Variants in ZCCHC14 observed in about 807,000 individuals in gnomAD.
ZCCHC14 encodes zinc finger CCHC-type containing 14.
Under a neutral mutation model 85.0 loss-of-function variants are expected in ZCCHC14, and 16 were observed. That is an observed-to-expected ratio of 0.19 (90% CI 0.13 to 0.29). The LOEUF (loss-of-function observed/expected upper bound fraction) is 0.29, where lower values mean the gene tolerates loss of function less well. Ranked by LOEUF, ZCCHC14 falls within the 10% of genes least tolerant of loss-of-function variation. The probability of loss-of-function intolerance (pLI) is 1.00; values close to 1 mark genes in which losing one functional copy is unlikely to be tolerated. For missense variants in ZCCHC14, 1,303 were observed against 1,443.5 expected (o/e 0.90, Z 1.58); for synonymous variants, 775 against 630.7 (o/e 1.23, Z -3.43).
At chr16:87,423,978 C>A in intron 3 of ZCCHC14, 97 bp from the exon 4 acceptor site, 1 of 1,315,366 alleles carries the variant, frequency 7.6e-7, no homozygotes. Flanking sequence ...GTTCAGTCGG[C>A]AGCTGAGCCC....
At chr16:87,477,900 C>T (rs1428023742) in intron 1 of ZCCHC14, among the ~76,000 whole-genome samples, 13 of 151,394 alleles carry the variant, frequency 8.6e-5, no homozygotes, top group Non-Finnish European at 1.6e-4. Context: ...CCACCGCATC[C>T]CCCTGAACCT....
chr16:87,424,540 C>A (rs552786072), intron 3 of ZCCHC14, among the ~76,000 whole-genome samples: 1 of 152,162 alleles, frequency 6.6e-6, no homozygotes, highest in African/African-American at 2.4e-5. Context: ...CAGCAGCGGG[C>A]GGTGTCACTG....
intron 1 of ZCCHC14, chr16:87,467,626 T>C: frequency 9.4e-7 from 1 of 1,065,168 alleles, no homozygotes; most frequent in South Asian, 1.3e-5. Flanking sequence ...TTGACTTCCT[T>C]GGGGACTCTG....
chr16:87,462,357 T>C (rs1476108903), intron 1 of ZCCHC14, among the ~76,000 whole-genome samples: 1 of 152,222 alleles, frequency 6.6e-6, no homozygotes. Context: ...ACAAGTACGA[T>C]ACAAATCTTA....
chr16:87,489,422 A>G (rs1459516519), intron 1 of ZCCHC14, among the ~76,000 whole-genome samples: 3 of 152,264 alleles, frequency 2.0e-5, no homozygotes, highest in Non-Finnish European at 4.4e-5. Context: ...AATTCAATCT[A>G]TAAAACATGC....
chr16:87,438,765 C>T (rs1034732419), intron 2 of ZCCHC14, among the ~76,000 whole-genome samples: 2 of 152,108 alleles, frequency 1.3e-5, no homozygotes, highest in Admixed American at 6.5e-5. Flanking sequence ...GGGGCATTCA[C>T]AGGAGGCCCG....
rs764240955 is a variant in ZCCHC14 at position 87,412,617 on chromosome 16, C to G, written c.2104G>C (p.Ala702Pro). ...TGCACAGGCTGGTGGGGTGCGGACGCGGGCAGCACGTCCATCATGGCGCTG... is the reference window on the plus strand; with the variant it reads ...TGCACAGGCTGGTGGGGTGCGGACGGGGGCAGCACGTCCATCATGGCGCTG... ...FGSAMMDVLP[A>P]SAPHQPVQVL... Residue 702 changes from alanine to proline, a missense_variant, in exon 12 of 13, where the codon GCG becomes CCG. Coordinates refer to ENST00000671377, the MANE Select transcript of ZCCHC14 (RefSeq NM_015144.3). The G allele has an allele frequency of 1.2e-6, 2 of 1,614,048 alleles. No homozygotes were observed. The highest frequency in any genetic ancestry group is 1.3e-5 in the African/African-American group (1 of 74,938).
intron 2 of ZCCHC14, among the ~76,000 whole-genome samples, chr16:87,440,362 G>A (rs1056890035): frequency 4.6e-5 from 7 of 151,896 alleles, no homozygotes; most frequent in South Asian, 2.1e-4. Context: ...ACAGGGTTTC[G>A]ACATATTGGT....
intron 2 of ZCCHC14, among the ~76,000 whole-genome samples, chr16:87,439,834 G>A (rs890644646): frequency 6.6e-6 from 1 of 152,188 alleles, no homozygotes; most frequent in African/African-American, 2.4e-5. Flanking sequence ...ACAATGACTA[G>A]GTTGGTAAAT....
At chr16:87,441,334 G>C (rs759515268) in intron 2 of ZCCHC14, among the ~76,000 whole-genome samples, 2 of 152,198 alleles carry the variant, frequency 1.3e-5, no homozygotes, top group Non-Finnish European at 2.9e-5. Context: ...ATTACTAATA[G>C]AGTCACCTAC....
Position 87,406,546 on chromosome 16 carries a change from G to A in ZCCHC14, c.*3734C>T, listed in dbSNP as rs1597393519. 1 of 152,662 alleles carries A rather than the reference G, an allele frequency of 6.6e-6. No homozygotes were observed. Among genetic ancestry groups the A allele is most frequent in the Non-Finnish European group, 1.5e-5 (1 of 68,036 alleles). 9.5% of individuals were successfully genotyped at this position (152,662 alleles called of 1,614,324 possible). On this transcript the variant is annotated 3_prime_UTR_variant, in exon 13 of 13. Transcript: ENST00000671377. Reference sequence around the variant, plus strand: ...AAATATGTCCAATAGAAGCTGTGAAGGTATCGAGTACACAAGGTGTCCAGT... The same window carrying A: ...AAATATGTCCAATAGAAGCTGTGAAAGTATCGAGTACACAAGGTGTCCAGT...
chr16:87,448,946 G>A (rs375896152), intron 2 of ZCCHC14, among the ~76,000 whole-genome samples: 3 of 152,188 alleles, frequency 2.0e-5, no homozygotes, highest in African/African-American at 4.8e-5. Flanking sequence ...GACTCACTGC[G>A]GACATCAGAA....
intron 2 of ZCCHC14, 77 bp from the exon 3 acceptor site, chr16:87,433,278 A>C (rs1909754307): frequency 1.4e-6 from 2 of 1,418,404 alleles, no homozygotes; most frequent in Non-Finnish European, 1.9e-6. Context: ...TTTGATATTC[A>C]GCAGTTTTCA....
Position 87,420,784 on chromosome 16 carries a change from G to T in ZCCHC14, c.841-68C>A. 7.2e-7 allele frequency: 1 copy of T among 1,381,470 alleles called. No homozygotes were observed. The highest frequency in any genetic ancestry group is 9.9e-7 in the Non-Finnish European group (1 of 1,009,852). 85.6% of individuals were successfully genotyped at this position (1,381,470 alleles called of 1,614,324 possible). On this transcript the variant is annotated intron_variant, in intron 4 of 12. Coordinates refer to ENST00000671377, the MANE Select transcript of ZCCHC14 (RefSeq NM_015144.3). The surrounding 1 kb of genome is among the most constrained non-coding windows in gnomAD (Gnocchi z 5.0). Reference sequence around the variant, plus strand: ...CCAACACCAGCAGAATTCTGCTACTGCAGGAAAACCTGGGGCAGGTGCTCC... The same window carrying T: ...CCAACACCAGCAGAATTCTGCTACTTCAGGAAAACCTGGGGCAGGTGCTCC...
chr16:87,469,524 CCT>C (rs998568271), intron 1 of ZCCHC14, among the ~76,000 whole-genome samples: 15 of 152,180 alleles, frequency 9.9e-5, no homozygotes, highest in South Asian at 6.2e-4. Context: ...CAGGGCAGCC[CCT>C]GTTTCGTCCA....
intron 7 of ZCCHC14, 25 bp downstream of exon 7, chr16:87,418,822 G>T (rs1226511769): frequency 1.2e-6 from 2 of 1,606,460 alleles, no homozygotes; most frequent in African/African-American, 1.3e-5. Context: ...TCTGAACTGT[G>T]CTGGTTACAT....
At chr16:87,439,071 G>A (rs974851743) in intron 2 of ZCCHC14, among the ~76,000 whole-genome samples, 6 of 151,978 alleles carry the variant, frequency 3.9e-5, no homozygotes, top group Admixed American at 6.5e-5. Flanking sequence ...AGTGCCCTGC[G>A]TATGGATTAT....
At chr16:87,475,272 C>G (rs944502792) in intron 1 of ZCCHC14, among the ~76,000 whole-genome samples, 9 of 152,088 alleles carry the variant, frequency 5.9e-5, no homozygotes, top group Non-Finnish European at 4.4e-5. Flanking sequence ...AATTCCAGGG[C>G]CAGGTGCAGT....
Position 87,467,794 on chromosome 16 carries a change from G to A in ZCCHC14, c.571-7663C>T, listed in dbSNP as rs1911596150. ...AGCTTCTCAAGTAGCTGGGACTACA[G>A]GCGCGCACCACCACGCCCGGCTAAT... On this transcript the variant is annotated intron_variant, in intron 1 of 12. Transcript: ENST00000671377. 4 of 477,690 alleles carry A rather than the reference G, an allele frequency of 8.4e-6. No homozygotes were observed. In the East Asian group the frequency reaches 1.2e-4, roughly 15 times the overall value. 29.6% of individuals were successfully genotyped at this position (477,690 alleles called of 1,614,324 possible). A position where few individuals can be genotyped will look rare whatever the true frequency, so the allele number is the denominator to read the frequency against.
Sources: gnomAD v4.1 joint callset for allele counts (sites outside exome capture counted in the v4.1 genomes callset) on GRCh38, gnomAD v4.1.1 for gene constraint, Gnocchi (gnomAD v3.1) non-coding constraint, MANE v1.5 for transcripts, NCBI Gene and HGNC (gene_info 2026-07-23, HGNC 2026-07-21) for gene names.